Variants in LHFPL6 observed in about 807,000 individuals in gnomAD.
LHFPL6 encodes LHFPL tetraspan subfamily member 6, also known as LHFPL tetraspan subfamily member 6 protein.
A neutral mutation model predicts 20.6 loss-of-function variants in LHFPL6; 9 were observed. The observed-to-expected ratio is 0.44, with a 90% CI of 0.26 to 0.76. The LOEUF (loss-of-function observed/expected upper bound fraction) is 0.76, where lower values mean the gene tolerates loss of function less well. Among genes scored for constraint, LHFPL6 ranks in the 30% least tolerant of loss-of-function variants. LHFPL6 has a pLI of 0.20. For missense variants in LHFPL6, 218 were observed against 253.5 expected, an observed-to-expected ratio of 0.86 and a Z score of 0.95; for synonymous variants, 105 against 98.7, an observed-to-expected ratio of 1.06 and a Z score of -0.38.
chr13:39,483,966 T>C (rs1215920704), intron 2 of LHFPL6, among the ~76,000 whole-genome samples: 1 of 152,230 alleles, frequency 6.6e-6, no homozygotes, highest in Non-Finnish European at 1.5e-5. Context: ...TTCTTCTTAG[T>C]TGAATAAGTT....
chr13:39,528,120 T>C (rs1220284347), intron 2 of LHFPL6, among the ~76,000 whole-genome samples: 7 of 152,172 alleles, frequency 4.6e-5, no homozygotes, highest in Admixed American at 4.6e-4. Flanking sequence ...AGAGATCTAC[T>C]GATTCACACT....
chr13:39,400,758 G>A (rs1434846129), intron 2 of LHFPL6, among the ~76,000 whole-genome samples: 10 of 131,080 alleles, frequency 7.6e-5, no homozygotes, highest in African/African-American at 2.9e-4. Flanking sequence ...ACTCCAGCCT[G>A]GGCGACAGAG....
chr13:39,452,086 T>G (rs976349302), intron 2 of LHFPL6, among the ~76,000 whole-genome samples: 1 of 148,868 alleles, frequency 6.7e-6, no homozygotes, highest in Admixed American at 6.8e-5. Context: ...CAATTTGTTA[T>G]GTACAGCTAC....
intron 2 of LHFPL6, among the ~76,000 whole-genome samples, chr13:39,426,712 T>C (rs1871647844): frequency 6.6e-6 from 1 of 152,194 alleles, no homozygotes; most frequent in South Asian, 2.1e-4. Context: ...GTACATAAAA[T>C]AGTTTGCTTA....
chr13:39,595,635 C>T (rs530730551), intron 2 of LHFPL6, among the ~76,000 whole-genome samples: 37 of 152,240 alleles, frequency 2.4e-4, no homozygotes, highest in African/African-American at 8.4e-4. Flanking sequence ...AAGCCCCACT[C>T]CCACTGTTTC....
At chr13:39,508,387 T>C (rs1408518490) in intron 2 of LHFPL6, among the ~76,000 whole-genome samples, 1 of 152,166 alleles carries the variant, frequency 6.6e-6, no homozygotes, top group Non-Finnish European at 1.5e-5. Flanking sequence ...TTGATGCACA[T>C]ACAATGGCAA....
chr13:39,391,186 G>C (rs1870700789), intron 2 of LHFPL6, among the ~76,000 whole-genome samples: 1 of 152,140 alleles, frequency 6.6e-6, no homozygotes, highest in Admixed American at 6.5e-5. Context: ...GAAAATTAAA[G>C]CATGAAACTG....
chr13:39,531,159 T>C (rs1870454318), intron 2 of LHFPL6, among the ~76,000 whole-genome samples: 1 of 152,240 alleles, frequency 6.6e-6, no homozygotes, highest in Admixed American at 6.5e-5. Flanking sequence ...TTCGTTCCTA[T>C]GACAAAAGTT....
intron 3 of LHFPL6, among the ~76,000 whole-genome samples, chr13:39,370,981 G>A (rs896398330): frequency 5.9e-5 from 9 of 152,120 alleles, no homozygotes; most frequent in African/African-American, 1.2e-4. Context: ...GAGGCAAGAC[G>A]GCATGAGTCA....
At chr13:39,390,160 TA>T (rs5802983) in intron 2 of LHFPL6, among the ~76,000 whole-genome samples, 148,823 of 152,210 alleles carry the variant, frequency 0.98, 72,847 homozygotes, top group East Asian at 1. Context: ...GACATATTTT[TA>T]AAAAAGTAGT....
At chr13:39,475,833 T>C (rs1873072081) in intron 2 of LHFPL6, among the ~76,000 whole-genome samples, 2 of 151,950 alleles carry the variant, frequency 1.3e-5, no homozygotes, top group African/African-American at 4.8e-5. Context: ...CTACTCTCTA[T>C]CCCTCCCCAC....
At position 39,344,018 on chromosome 13, in the gene LHFPL6, C is replaced by T. The variant is rs1275648782; in HGVS notation, c.521G>A (p.Gly174Glu). ...CAGCATGGCGGCAGTGGCACCTGCT[C>T]CCGTGCAGTAGTAGGCCCAGCCGAT... ...CEIGWAYYCT[G>E]AGATAAMLLC... The change falls in exon 4 of 4, where the codon GGA (glycine) becomes GAA (glutamate). Residue 174 changes from glycine to glutamate, a missense_variant. Gly to Glu is a moderately conservative substitution (Grantham distance 98). Transcript: ENST00000379589. 1.9e-6 allele frequency: 3 copies of T among 1,613,606 alleles called. No individual in the cohort carries two copies. The highest frequency in any genetic ancestry group is 1.3e-5 in the African/African-American group (1 of 74,888).
chr13:39,402,031 C>G (rs1871005426), intron 2 of LHFPL6, among the ~76,000 whole-genome samples: 1 of 152,050 alleles, frequency 6.6e-6, no homozygotes, highest in Non-Finnish European at 1.5e-5. Flanking sequence ...TGTGGCTAGT[C>G]CAACTTGAAA....
intron 3 of LHFPL6, among the ~76,000 whole-genome samples, chr13:39,357,217 C>T (rs903050795): frequency 4.6e-5 from 7 of 151,972 alleles, no homozygotes; most frequent in Admixed American, 4.6e-4. Flanking sequence ...AAGTAAAAAG[C>T]TACCAATCAA....
At chr13:39,572,292 G>C (rs7318460) in intron 2 of LHFPL6, among the ~76,000 whole-genome samples, 1,710 of 89,822 alleles carry the variant, frequency 0.019, 15 homozygotes, top group African/African-American at 0.078. Context: ...TAAACTCTGT[G>C]TGTGTGTGTG....
intron 2 of LHFPL6, among the ~76,000 whole-genome samples, chr13:39,419,153 A>T (rs1221210816): frequency 1.3e-5 from 2 of 152,204 alleles, no homozygotes; most frequent in Non-Finnish European, 2.9e-5. Context: ...CTTCAACAAA[A>T]CCCAGAACAG....
chr13:39,434,113 T>C (rs1871888637), intron 2 of LHFPL6, among the ~76,000 whole-genome samples: 1 of 152,234 alleles, frequency 6.6e-6, no homozygotes, highest in Non-Finnish European at 1.5e-5. Flanking sequence ...AGCATGGGTC[T>C]AGATAAGAGA....
chr13:39,494,348 G>T (rs527575402), intron 2 of LHFPL6, among the ~76,000 whole-genome samples: 1 of 152,320 alleles, frequency 6.6e-6, no homozygotes, highest in South Asian at 2.1e-4. Flanking sequence ...GGTAGATAGG[G>T]AAATAATCAT....
intron 2 of LHFPL6, among the ~76,000 whole-genome samples, chr13:39,561,945 T>C (rs1871496617): frequency 6.6e-6 from 1 of 152,140 alleles, no homozygotes; most frequent in Non-Finnish European, 1.5e-5. Flanking sequence ...TTTTAAAAAA[T>C]TTCCTAAAAC....
Sources: allele counts gnomAD v4.1 joint callset (sites outside exome capture counted in the v4.1 genomes callset), GRCh38; gene constraint gnomAD v4.1.1; transcripts MANE v1.5; gene names NCBI Gene and HGNC (gene_info 2026-07-23, HGNC 2026-07-21).